SPEG: variants seen among roughly 807,000 people sequenced by gnomAD.
SPEG encodes striated muscle enriched protein kinase, also known as striated muscle preferentially expressed protein kinase.
A neutral mutation model predicts 300.4 loss-of-function variants in SPEG; 114 were observed. The observed-to-expected ratio is 0.38, with a 90% CI of 0.33 to 0.44. SPEG has a LOEUF of 0.44. SPEG is among the 20% of genes least tolerant of loss of function. The probability of loss-of-function intolerance (pLI) is 1.00; values close to 1 mark genes in which losing one functional copy is unlikely to be tolerated. For synonymous variants in SPEG, 1,964 were observed against 2,018.9 expected (o/e 0.97, Z 0.73); for missense variants, 4,201 against 4,586.2 (o/e 0.92, Z 2.43).
At chr2:219,466,944 T>C (rs1310633673) in intron 9 of SPEG, 1 of 1,091,362 alleles carries the variant, frequency 9.2e-7, no homozygotes, top group African/African-American at 1.6e-5. Flanking sequence ...CTCAGTTCCC[T>C]CTTGCCTCCA....
rs370550282 is a variant in SPEG at position 219,460,165 on chromosome 2, G to A, written c.2441-1717G>A. The A allele has an allele frequency of 2.2e-4, 85 of 378,890 alleles. 2 individuals are homozygous for A. The South Asian group carries it at 8.9e-3, about 40-fold the overall frequency. 23.5% of individuals were successfully genotyped at this position (378,890 alleles called of 1,614,324 possible). A position where few individuals can be genotyped will look rare whatever the true frequency, so the allele number is the denominator to read the frequency against. ...GGTTTGGGTAGGAAGGCTGGATGTG[G>A]GCTTAGGCCCTGTGGTGGCTGCTGG... On this transcript the variant is annotated intron_variant, in intron 6 of 40. Coordinates refer to ENST00000312358, the MANE Select transcript of SPEG (RefSeq NM_005876.5).
intron 28 of SPEG, 57 bp from the exon 29 acceptor site, chr2:219,482,727 A>G: frequency 6.4e-7 from 1 of 1,550,394 alleles, no homozygotes. Flanking sequence ...TCTGTTGCCA[A>G]ACCTGGAGGG....
At position 219,468,861 on chromosome 2, in the gene SPEG, T is replaced by C. The variant is rs1691615194; in HGVS notation, c.3304T>C (p.Cys1102Arg). 5 of 1,611,392 alleles carry C rather than the reference T, an allele frequency of 3.1e-6. No individual in the cohort carries two copies. The highest frequency in any genetic ancestry group is 4.2e-6 in the Non-Finnish European group (5 of 1,178,468). Reference protein sequence around the residue: ...PPVVTWTHFGCPMEESENLRL... With the variant: ...PPVVTWTHFGRPMEESENLRL... ...ATTCCCACCCCTCCTTTCTGCAGGC[T>C]GCCCCATGGAGGAGAGTGAGAACTT... is the stretch of plus-strand genomic sequence containing the variant. Residue 1102 changes from cysteine (C) to arginine (R), a missense_variant and splice_region_variant, in exon 12 of 41, where the codon TGC becomes CGC. Cys to Arg is a radical substitution (Grantham distance 180). Around this residue, in one of 4 missense-constraint regions of SPEG, gnomAD observed 1,047 missense variants for 1,356.8 expected, o/e 0.77. Transcript: ENST00000312358.
Position 219,481,935 on chromosome 2 carries a change from C to T in SPEG, c.5565+255C>T, listed in dbSNP as rs1692886569. On this transcript the variant is annotated intron_variant, in intron 28 of 40. Transcript: ENST00000312358. This position sits in a 1 kb window ranked among gnomAD's most constrained non-coding sequence, Gnocchi z 5.4. The stretch of plus-strand genomic sequence containing the variant: ...CTCCAGGGCATACGTCTGGACCTCT[C>T]CATCCTGGGCGTCCTCAGTGGAGTT... The T allele has an allele frequency of 5.1e-6, 3 of 584,306 alleles. No individual in the cohort carries two copies. Among genetic ancestry groups the T allele is most frequent in the Non-Finnish European group, 9.2e-6 (3 of 326,512 alleles). The allele number at this position is 584,306 out of a possible 1,614,324, so 36.2% of individuals were successfully genotyped here.
Position 219,448,155 on chromosome 2 carries a change from A to G in SPEG, c.997A>G (p.Thr333Ala). The G allele has an allele frequency of 1.2e-6, 2 of 1,608,772 alleles. No homozygotes were observed. The highest frequency in any genetic ancestry group is 1.7e-6 in the Non-Finnish European group (2 of 1,178,088). The part of the protein sequence containing the change: ...GPPAQPAATP[T>A]SPHRRTQEPV... ...CCCGGCCCAGCCCGCGGCCACCCCC[A>G]CGTCGCCCCACCGTCGCACTCAGGA... Residue 333 changes from threonine (T) to alanine (A), a missense_variant, in exon 4 of 41, where the codon ACG (threonine) becomes GCG (alanine). Transcript: ENST00000312358.
intron 28 of SPEG, 106 bp from the exon 29 acceptor site, chr2:219,482,678 C>A: frequency 1.1e-6 from 1 of 951,794 alleles, no homozygotes; most frequent in Non-Finnish European, 1.7e-6. Context: ...GCTGCTCGAT[C>A]CACTCTCTCC....
In SPEG at chr2:219,479,875, G is replaced by A. The variant is rs1191486595; in HGVS notation, c.5163+15G>A. 1 of 1,614,088 alleles carries A rather than the reference G, an allele frequency of 6.2e-7. No homozygotes were observed. On this transcript the variant is annotated intron_variant, in intron 24 of 40. Transcript: ENST00000312358. The surrounding 1 kb of genome is among the most constrained non-coding windows in gnomAD (Gnocchi z 5.5). ...TCGATGTCAAGGTGAGGTGGGGACT[G>A]GAGAGCAGACAGCCCCTGTGGGAGC... is the stretch of plus-strand genomic sequence containing the variant.
Position 219,468,610 on chromosome 2 carries a change from C to T in SPEG, c.3175C>T (p.Arg1059Trp), listed in dbSNP as rs753187910. ...GACCTGCAGTGCCCGGCTGACCGTG[C>T]GGCCCTCGTTGGCACCCCTGTTCAC... ...ELTCSARLTV[R>W]PSLAPLFTRL... Residue 1059 changes from arginine to tryptophan, a missense_variant, in exon 11 of 41, where the codon CGG (arginine) becomes TGG (tryptophan). Coordinates refer to ENST00000312358, the MANE Select transcript of SPEG (RefSeq NM_005876.5). 2.7e-5 allele frequency: 43 copies of T among 1,613,432 alleles called. No individual in the cohort carries two copies. The Middle Eastern group carries it at 4.2e-3, about 159-fold the overall frequency.
At chr2:219,450,075 G>A (rs976092821) in intron 4 of SPEG, among the ~76,000 whole-genome samples, 3 of 152,170 alleles carry the variant, frequency 2.0e-5, no homozygotes, top group African/African-American at 7.2e-5. Flanking sequence ...GACCCTGCCA[G>A]GATCTCTTTC....
intron 1 of SPEG, among the ~76,000 whole-genome samples, chr2:219,437,100 G>A (rs1330980278): frequency 6.6e-6 from 1 of 152,184 alleles, no homozygotes; most frequent in Admixed American, 6.5e-5. Context: ...AGACGTACTA[G>A]TCTAGTTAGA....
At chr2:219,441,056 G>T (rs79167414) in intron 1 of SPEG, among the ~76,000 whole-genome samples, 1,653 of 152,336 alleles carry the variant, frequency 0.011, 13 homozygotes, top group Non-Finnish European at 0.017. Context: ...AGGGTTTCCA[G>T]CTCATGGGGT....
intron 36 of SPEG, 113 bp from the exon 37 acceptor site, chr2:219,490,296 G>T: frequency 7.0e-7 from 1 of 1,424,326 alleles, no homozygotes; most frequent in Admixed American, 2.0e-5. Context: ...GCCCACACTG[G>T]AACCACTGCA....
rs143313826 is a variant in SPEG at position 219,440,952 on chromosome 2, A to C, written c.389-3701A>C. Among the ~76,000 whole-genome samples, 4 of 152,368 alleles carry C rather than the reference A, an allele frequency of 2.6e-5. No homozygotes were observed. The East Asian group carries it at 7.7e-4, about 29-fold the overall frequency. ...ATGATAATTCCCATCTCCAGGACAC[A>C]TGGAGTCCTAGAACCTGTATGGCTT... On this transcript the variant is annotated intron_variant, in intron 1 of 40. Coordinates refer to ENST00000312358, the MANE Select transcript of SPEG (RefSeq NM_005876.5).
chr2:219,469,241 C>T lies in SPEG; in HGVS notation c.3577C>T (p.Pro1193Ser), dbSNP rs1691656078. The change falls in exon 13 of 41, where the codon CCA (proline) becomes TCA (serine). Residue 1193 changes from proline (P) to serine (S), a missense_variant. Transcript: ENST00000312358. ...GCTGTCCATTCCTGACTTCCTGCGGCCACTGCAGGACCTGGAGGTGGGACT... is the reference window on the plus strand; with the variant it reads ...GCTGTCCATTCCTGACTTCCTGCGGTCACTGCAGGACCTGGAGGTGGGACT... ...ERLSIPDFLR[P>S]LQDLEVGLAK... 6.2e-7 allele frequency: 1 copy of T among 1,613,794 alleles called. No homozygotes were observed. The highest frequency in any genetic ancestry group is 1.3e-5 in the African/African-American group (1 of 75,052).
intron 14 of SPEG, 76 bp downstream of exon 14, chr2:219,472,063 G>T: frequency 6.3e-7 from 1 of 1,578,832 alleles, no homozygotes; most frequent in Non-Finnish European, 8.6e-7. Context: ...AGGGAAAGGG[G>T]CCTCCACCCA....
rs1415769429 is a variant in SPEG, at chr2:219,448,668, T to C, written c.1510T>C (p.Ser504Pro). ...FAQELGRIRR[S>P]TSREELVRSH... Reference sequence around the variant, plus strand: ...CCAGGAGCTGGGCCGCATCCGCCGCTCCACGTCGCGGGAGGAGCTGGTGCG... The same window carrying C: ...CCAGGAGCTGGGCCGCATCCGCCGCCCCACGTCGCGGGAGGAGCTGGTGCG... The change falls in exon 4 of 41, where the codon TCC becomes CCC. Residue 504 changes from serine (S) to proline (P), a missense_variant. Coordinates refer to ENST00000312358, the MANE Select transcript of SPEG (RefSeq NM_005876.5). 1 of 1,492,188 alleles carries C rather than the reference T, an allele frequency of 6.7e-7. No individual in the cohort carries two copies. Among genetic ancestry groups the C allele is most frequent in the Non-Finnish European group, 8.9e-7 (1 of 1,129,122 alleles). 92.4% of individuals were successfully genotyped at this position (1,492,188 alleles called of 1,614,324 possible).
chr2:219,468,557 G>A, intron 10 of SPEG, 21 bp from the exon 11 acceptor site: 1 of 1,607,850 alleles, frequency 6.2e-7, no homozygotes, highest in Non-Finnish European at 8.5e-7. Context: ...CCCTATCTCT[G>A]AGCTGCCCCC....
intron 1 of SPEG, among the ~76,000 whole-genome samples, chr2:219,442,386 C>T (rs920363206): frequency 4.6e-5 from 7 of 151,982 alleles, no homozygotes; most frequent in Non-Finnish European, 7.4e-5. Context: ...CCACTTGCTT[C>T]TTTGCCACAT....
Position 219,488,526 on chromosome 2 carries a change from A to C in SPEG, c.7887A>C (p.Ser2629=). ...KDKKSLRSEP[S]VIIVSCKDGR... is the part of the protein sequence containing the mutation. ...AGAAGTCCTTGAGGTCAGAGCCCTC[A>C]GTGATCATCGTGTCCTGCAAAGATG... The change falls in exon 33 of 41, where the codon TCA becomes TCC. Residue 2629 remains serine (S), a synonymous_variant. Coordinates refer to ENST00000312358, the MANE Select transcript of SPEG (RefSeq NM_005876.5). 1.1e-5 allele frequency: 18 copies of C among 1,597,016 alleles called. No individual in the cohort carries two copies. The highest frequency in any genetic ancestry group is 1.5e-5 in the Non-Finnish European group (18 of 1,171,358).
Sources: gnomAD v4.1 joint callset for allele counts (sites outside exome capture counted in the v4.1 genomes callset) on GRCh38, gnomAD v4.1.1 for gene constraint, gnomAD v4.1.1 regional missense constraint, Gnocchi (gnomAD v3.1) non-coding constraint, MANE v1.5 for transcripts, NCBI Gene and HGNC (gene_info 2026-07-23, HGNC 2026-07-21) for gene names.